Variants in CACNA2D4 observed in about 807,000 individuals in gnomAD.
CACNA2D4 encodes the protein voltage-dependent calcium channel subunit alpha-2/delta-4.
In CACNA2D4, 157 loss-of-function variants were observed where a neutral mutation model predicts 163.8. The ratio of observed to expected loss-of-function variants is 0.96; its 90% confidence interval spans 0.84 to 1.09. The LOEUF is 1.09. Among genes scored for constraint, CACNA2D4 ranks in the 50% least tolerant of loss-of-function variants. The probability of loss-of-function intolerance (pLI) is 0.00; values close to 1 mark genes in which losing one functional copy is unlikely to be tolerated. For missense variants in CACNA2D4, 1,410 were observed against 1,479.9 expected (o/e 0.95, Z 0.78); for synonymous variants, 598 against 586.9 (o/e 1.02, Z -0.27).
At chr12:1,911,221 A>C (rs993090905) in intron 3 of CACNA2D4, among the ~76,000 whole-genome samples, 1 of 151,936 alleles carries the variant, frequency 6.6e-6, no homozygotes, top group Non-Finnish European at 1.5e-5. Context: ...ACAGGGTTTC[A>C]CGTGTTGGCC....
chr12:1,862,806 C>A (rs1865552583), intron 18 of CACNA2D4, among the ~76,000 whole-genome samples: 1 of 152,188 alleles, frequency 6.6e-6, no homozygotes, highest in Non-Finnish European at 1.5e-5. Flanking sequence ...GTGCTCTGAG[C>A]ATTTTTTATT....
At chr12:1,881,794 C>T (rs1592731256) in intron 13 of CACNA2D4, among the ~76,000 whole-genome samples, 1 of 152,360 alleles carries the variant, frequency 6.6e-6, no homozygotes, top group Non-Finnish European at 1.5e-5. Context: ...TGAGCATGGC[C>T]GTGTTGGCGG....
chr12:1,808,266 G>C (rs1463972128), intron 29 of CACNA2D4, among the ~76,000 whole-genome samples: 1 of 152,220 alleles, frequency 6.6e-6, no homozygotes, highest in Non-Finnish European at 1.5e-5. Context: ...TGGAGCAGGG[G>C]CTGGAAACTA....
intron 18 of CACNA2D4, among the ~76,000 whole-genome samples, chr12:1,865,019 G>T (rs995669590): frequency 2.0e-5 from 3 of 152,306 alleles, no homozygotes; most frequent in Middle Eastern, 3.4e-3. Flanking sequence ...GCTGGCTGAG[G>T]TCATGCCCAG....
intron 13 of CACNA2D4, among the ~76,000 whole-genome samples, chr12:1,881,873 A>G (rs1024948727): frequency 2.0e-5 from 3 of 152,254 alleles, no homozygotes; most frequent in African/African-American, 7.2e-5. Flanking sequence ...TCTACTATTA[A>G]CAGGTGGAGG....
chr12:1,894,159 G>A (rs909790137), intron 6 of CACNA2D4, among the ~76,000 whole-genome samples: 1 of 152,046 alleles, frequency 6.6e-6, no homozygotes, highest in African/African-American at 2.4e-5. Context: ...TAAATTCCTG[G>A]ACACATACAA....
intron 18 of CACNA2D4, among the ~76,000 whole-genome samples, chr12:1,864,304 G>A (rs1276308578): frequency 6.6e-6 from 1 of 152,224 alleles, no homozygotes; most frequent in Non-Finnish European, 1.5e-5. Context: ...AATGGAGCCA[G>A]TGCCAATGTT....
At chr12:1,809,933 G>T (rs1261777361) in intron 29 of CACNA2D4, among the ~76,000 whole-genome samples, 1 of 152,240 alleles carries the variant, frequency 6.6e-6, no homozygotes, top group Non-Finnish European at 1.5e-5. Context: ...GGATCCTTGT[G>T]GGGAGGCCCC....
rs948926453 is a variant in CACNA2D4, at chr12:1,883,872, G to A, written c.1351+371C>T. On this transcript the variant is annotated intron_variant, in intron 12 of 37. Transcript: ENST00000382722. The surrounding 1 kb of genome is among the most constrained non-coding windows in gnomAD (Gnocchi z 4.5). Reference sequence around the variant, plus strand: ...CCCTGGTGCCTGGAAATGGGGCCAGGTGCATAGTGGATGCTCAGTGAATTT... The same window carrying A: ...CCCTGGTGCCTGGAAATGGGGCCAGATGCATAGTGGATGCTCAGTGAATTT... 2.6e-5 allele frequency among the ~76,000 whole-genome samples: 4 copies of A among 152,236 alleles called. No individual in the cohort carries two copies. The highest frequency in any genetic ancestry group is 2.6e-4 in the Admixed American group (4 of 15,292).
rs535293180 is a variant in CACNA2D4 at position 1,796,197 on chromosome 12, C to A, written c.3114-417G>T. On this transcript the variant is annotated intron_variant, in intron 35 of 37. Coordinates refer to ENST00000382722, the MANE Select transcript of CACNA2D4 (RefSeq NM_172364.5). The stretch of plus-strand genomic sequence containing the variant: ...GCGCTGGAGCTTGGCCACCAGGTGG[C>A]GCAGTGGCCCCGCGCTCGGCGAGGC... Among the ~76,000 whole-genome samples the A allele has an allele frequency of 3.3e-5, 5 of 152,318 alleles. No homozygotes were observed. The East Asian group carries it at 9.7e-4, about 29-fold the overall frequency.
intron 6 of CACNA2D4, among the ~76,000 whole-genome samples, chr12:1,902,867 A>T (rs1866568846): frequency 1.3e-5 from 2 of 152,010 alleles, no homozygotes. Context: ...GAAACAATTC[A>T]AAAATGTATA....
At chr12:1,870,950 C>G (rs1360431482) in intron 18 of CACNA2D4, among the ~76,000 whole-genome samples, 1 of 152,194 alleles carries the variant, frequency 6.6e-6, no homozygotes, top group African/African-American at 2.4e-5. Flanking sequence ...GTACTCTAGC[C>G]CTGTGTTCCT....
chr12:1,860,808 T>A (rs772544141), intron 18 of CACNA2D4, among the ~76,000 whole-genome samples: 4 of 152,256 alleles, frequency 2.6e-5, no homozygotes, highest in Non-Finnish European at 4.4e-5. Flanking sequence ...CTGCCATCTT[T>A]TAGCCTTGGT....
intron 35 of CACNA2D4, 30 bp downstream of exon 35, chr12:1,797,388 G>C: frequency 6.9e-7 from 1 of 1,449,030 alleles, no homozygotes; most frequent in Non-Finnish European, 9.4e-7. Context: ...GGAGTGTGGC[G>C]GGACGGGCGG....
At chr12:1,915,308 T>A (rs1866943810) in intron 1 of CACNA2D4, 2 of 700,836 alleles carry the variant, frequency 2.9e-6, no homozygotes, top group East Asian at 2.7e-5. Context: ...CAGGTTCTCC[T>A]GCTGAGGGTT....
intron 6 of CACNA2D4, among the ~76,000 whole-genome samples, chr12:1,900,745 C>T (rs747762166): frequency 2.3e-4 from 35 of 152,120 alleles, no homozygotes; most frequent in Non-Finnish European, 4.4e-4. Flanking sequence ...GACCCCAATA[C>T]ATAACAGCTG....
In CACNA2D4 at chr12:1,904,291, A is replaced by G. The variant is rs150364943; in HGVS notation, c.781+3149T>C. On this transcript the variant is annotated intron_variant, in intron 6 of 37. Coordinates refer to ENST00000382722, the MANE Select transcript of CACNA2D4 (RefSeq NM_172364.5). Reference sequence around the variant, plus strand: ...ACAAAGAATAGAAAGAATGGATAAGATCTAGTATTTGATAGCACAACAGGG... The same window carrying G: ...ACAAAGAATAGAAAGAATGGATAAGGTCTAGTATTTGATAGCACAACAGGG... 4.6e-3 allele frequency among the ~76,000 whole-genome samples: 701 copies of G among 152,114 alleles called. 2 individuals carry two copies. The highest frequency in any genetic ancestry group is 0.016 in the African/African-American group (677 of 41,530).
chr12:1,847,866 A>G (rs933168399), intron 23 of CACNA2D4, among the ~76,000 whole-genome samples: 1 of 29,612 alleles, frequency 3.4e-5, no homozygotes, highest in Non-Finnish European at 6.4e-5. Flanking sequence ...TAGAAATAAC[A>G]TTTAAAAAAA....
At position 1,800,025 on chromosome 12, in the gene CACNA2D4, GC is replaced by G. The variant is rs1164956989; in HGVS notation, c.2948del (p.Gly983AlafsTer72). On this transcript the variant is annotated frameshift_variant, in exon 33 of 38. Transcript: ENST00000382722. LOFTEE classifies it high-confidence loss of function. ...CCTCGGCCCCTCTGTCGTACCAGGA[GC>G]CCCAGACACTCCACTCCAGCAGGAA... ...VLFLLEWSVW[G>X]SWYDRGAEAK... is the part of the protein sequence containing the mutation. The G allele has an allele frequency of 1.2e-6, 2 of 1,604,892 alleles. No homozygotes were observed. The highest frequency in any genetic ancestry group is 8.5e-7 in the Non-Finnish European group (1 of 1,176,030).
Sources: gnomAD v4.1 joint callset for allele counts (sites outside exome capture counted in the v4.1 genomes callset) on GRCh38, gnomAD v4.1.1 for gene constraint, Gnocchi (gnomAD v3.1) non-coding constraint, MANE v1.5 for transcripts, NCBI Gene and HGNC (gene_info 2026-07-23, HGNC 2026-07-21) for gene names.